Variants in TMEM132D observed in about 807,000 individuals in gnomAD.
TMEM132D encodes the protein mature OL transmembrane protein.
Under a neutral mutation model 62.3 loss-of-function variants are expected in TMEM132D, and 21 were observed. That is an observed-to-expected ratio of 0.34 (90% CI 0.24 to 0.49). TMEM132D has a LOEUF of 0.49. Ranked by LOEUF, TMEM132D falls within the 20% of genes least tolerant of loss-of-function variation. The pLI is 0.99. For missense variants in TMEM132D, 1,346 were observed against 1,402.8 expected (o/e 0.96, Z 0.65); for synonymous variants, 621 against 575.6 (o/e 1.08, Z -1.13).
At chr12:129,173,569 T>C (rs771756837) in intron 5 of TMEM132D, among the ~76,000 whole-genome samples, 1 of 152,250 alleles carries the variant, frequency 6.6e-6, no homozygotes, top group Non-Finnish European at 1.5e-5. Context: ...CTGACTCTCA[T>C]ATTGCATTAA....
intron 3 of TMEM132D, among the ~76,000 whole-genome samples, chr12:129,444,139 A>G (rs1398740919): frequency 6.6e-6 from 1 of 152,112 alleles, no homozygotes; most frequent in East Asian, 1.9e-4. Flanking sequence ...TAAATGTAAA[A>G]CCCACAACTA....
At chr12:129,734,246 A>G (rs975895227) in intron 1 of TMEM132D, among the ~76,000 whole-genome samples, 1 of 152,198 alleles carries the variant, frequency 6.6e-6, no homozygotes, top group Non-Finnish European at 1.5e-5. Flanking sequence ...GATGTCATGA[A>G]CAAAGAGAAC....
chr12:129,701,235 T>C (rs370737830), intron 1 of TMEM132D, among the ~76,000 whole-genome samples: 2 of 152,172 alleles, frequency 1.3e-5, no homozygotes, highest in Middle Eastern at 3.2e-3. Context: ...TACGCACATG[T>C]CCAATGGGAA....
At chr12:129,264,022 C>G (rs1308211444) in intron 4 of TMEM132D, among the ~76,000 whole-genome samples, 1 of 152,178 alleles carries the variant, frequency 6.6e-6, no homozygotes, top group African/African-American at 2.4e-5. Flanking sequence ...TACTCTGTCT[C>G]TTGACTGAGT....
chr12:129,082,085 G>C (rs1444464409), intron 6 of TMEM132D, 53 bp from the exon 7 acceptor site: 1 of 1,545,376 alleles, frequency 6.5e-7, no homozygotes, highest in Admixed American at 1.8e-5. Flanking sequence ...TCCTCTGTAA[G>C]GGGCCGTGTG....
At chr12:129,681,040 A>G (rs1880763891) in intron 2 of TMEM132D, among the ~76,000 whole-genome samples, 1 of 152,220 alleles carries the variant, frequency 6.6e-6, no homozygotes, top group African/African-American at 2.4e-5. Context: ...ATCAAAAGCC[A>G]GAGCTGGGTG....
At chr12:129,666,529 T>A (rs1165983751) in intron 2 of TMEM132D, among the ~76,000 whole-genome samples, 1 of 152,196 alleles carries the variant, frequency 6.6e-6, no homozygotes, top group African/African-American at 2.4e-5. Flanking sequence ...AGGTCAGATA[T>A]CAAATCTGCT....
At chr12:129,425,406 C>CT (rs5801854) in intron 3 of TMEM132D, among the ~76,000 whole-genome samples, 25,485 of 138,808 alleles carry the variant, frequency 0.18, 2,534 homozygotes, top group East Asian at 0.27. Flanking sequence ...GATGCTTGCA[C>CT]TTTTTTTTTT....
chr12:129,195,667 C>T (rs1878527807), intron 5 of TMEM132D, among the ~76,000 whole-genome samples: 1 of 152,156 alleles, frequency 6.6e-6, no homozygotes. Context: ...CATATTCCTA[C>T]TTATAAGGGA....
chr12:129,369,288 GA>G (rs1425550890), intron 3 of TMEM132D, among the ~76,000 whole-genome samples: 1 of 152,076 alleles, frequency 6.6e-6, no homozygotes, highest in African/African-American at 2.4e-5. Flanking sequence ...AGGTGACAAA[GA>G]GCTCACTGCC....
intron 4 of TMEM132D, among the ~76,000 whole-genome samples, chr12:129,245,078 G>T (rs191772607): frequency 6.6e-6 from 1 of 152,056 alleles, no homozygotes. Flanking sequence ...AATAACTAGA[G>T]TCCATAGTTT....
chr12:129,698,939 C>T (rs1881301908), intron 2 of TMEM132D, among the ~76,000 whole-genome samples: 1 of 152,100 alleles, frequency 6.6e-6, no homozygotes, highest in Non-Finnish European at 1.5e-5. Flanking sequence ...TACAGTTACA[C>T]TCCTCATTTC....
At chr12:129,348,650 A>G (rs1260715476) in intron 3 of TMEM132D, among the ~76,000 whole-genome samples, 1 of 152,200 alleles carries the variant, frequency 6.6e-6, no homozygotes, top group Non-Finnish European at 1.5e-5. Flanking sequence ...GCAGCAAACC[A>G]TAAGGCACAT....
At chr12:129,349,095 C>T (rs1222966857) in intron 3 of TMEM132D, among the ~76,000 whole-genome samples, 1 of 152,214 alleles carries the variant, frequency 6.6e-6, no homozygotes, top group Non-Finnish European at 1.5e-5. Flanking sequence ...GAATGCCCCA[C>T]TCCCTGTTGG....
intron 2 of TMEM132D, among the ~76,000 whole-genome samples, chr12:129,535,493 G>T (rs545692237): frequency 6.6e-6 from 1 of 152,156 alleles, no homozygotes; most frequent in South Asian, 2.1e-4. Context: ...CTATAAATTT[G>T]AGTTCATTAT....
intron 4 of TMEM132D, among the ~76,000 whole-genome samples, chr12:129,215,343 G>A (rs1467413922): frequency 2.6e-5 from 4 of 152,184 alleles, no homozygotes; most frequent in South Asian, 2.1e-4. Flanking sequence ...TGGAGGTTGG[G>A]AGGAGGGAGA....
chr12:129,726,251 G>T (rs1869032146), intron 1 of TMEM132D, among the ~76,000 whole-genome samples: 1 of 152,302 alleles, frequency 6.6e-6, no homozygotes, highest in African/African-American at 2.4e-5. Flanking sequence ...ACAGCCATGA[G>T]TACGGCCCCA....
intron 2 of TMEM132D, among the ~76,000 whole-genome samples, chr12:129,577,301 A>G (rs1013919517): frequency 6.6e-6 from 1 of 151,748 alleles, no homozygotes; most frequent in Non-Finnish European, 1.5e-5. Flanking sequence ...TTACTACAGT[A>G]GTGCAGTGTA....
At chr12:129,330,038 C>G (rs1223224545) in intron 4 of TMEM132D, among the ~76,000 whole-genome samples, 1 of 151,994 alleles carries the variant, frequency 6.6e-6, no homozygotes, top group Non-Finnish European at 1.5e-5. Context: ...AAATTTTCTA[C>G]CGAATCACAG....
Sources: allele counts gnomAD v4.1 joint callset (sites outside exome capture counted in the v4.1 genomes callset), GRCh38; gene constraint gnomAD v4.1.1; transcripts MANE v1.5; gene names NCBI Gene and HGNC (gene_info 2026-07-23, HGNC 2026-07-21).